CNTN5: variants seen among roughly 807,000 people sequenced by gnomAD.
CNTN5 encodes contactin-5.
CNTN5 carries 77 observed loss-of-function variants against 129.1 expected under a neutral mutation model. The observed-to-expected ratio is 0.60, with a 90% CI of 0.50 to 0.72. The LOEUF is 0.72. Among genes scored for constraint, CNTN5 ranks in the 30% least tolerant of loss-of-function variants. CNTN5 has a pLI of 0.00. For synonymous variants in CNTN5, 509 were observed against 465.6 expected (o/e 1.09, Z -1.20); for missense variants, 1,478 against 1,328.8 (o/e 1.11, Z -1.75).
chr11:99,746,572 TTAGATTCTC>T (rs1305975145), intron 3 of CNTN5, among the ~76,000 whole-genome samples: 1 of 152,160 alleles, frequency 6.6e-6, no homozygotes, highest in Non-Finnish European at 1.5e-5. Context: ...GCTGCATGCA[TTAGATTCTC>T]ACAGGAGCAG....
At chr11:99,430,417 G>T (rs1462762995) in intron 2 of CNTN5, among the ~76,000 whole-genome samples, 2 of 149,690 alleles carry the variant, frequency 1.3e-5, no homozygotes, top group Non-Finnish European at 3.0e-5. Flanking sequence ...ATATATAAAG[G>T]CATTATATAC....
chr11:99,610,725 G>T (rs571624199), intron 3 of CNTN5, among the ~76,000 whole-genome samples: 1 of 152,228 alleles, frequency 6.6e-6, no homozygotes, highest in East Asian at 1.9e-4. Context: ...AAGTTAGATA[G>T]ATAGCTATAA....
intron 13 of CNTN5, among the ~76,000 whole-genome samples, chr11:100,116,392 T>C (rs1278555032): frequency 6.6e-6 from 1 of 151,922 alleles, no homozygotes; most frequent in Admixed American, 6.6e-5. Flanking sequence ...CTGTAGAGCA[T>C]GGAAAATATC....
intron 1 of CNTN5, among the ~76,000 whole-genome samples, chr11:99,038,379 C>T (rs928834420): frequency 1.3e-5 from 2 of 152,036 alleles, no homozygotes; most frequent in Non-Finnish European, 2.9e-5. Flanking sequence ...GTGATCAGAT[C>T]AGCGTAATTA....
intron 2 of CNTN5, among the ~76,000 whole-genome samples, chr11:99,432,143 T>C (rs1319670837): frequency 1.3e-5 from 2 of 152,222 alleles, no homozygotes; most frequent in African/African-American, 4.8e-5. Context: ...TTCAGCTTAA[T>C]ATATCCCTTT....
intron 18 of CNTN5, among the ~76,000 whole-genome samples, chr11:100,275,169 T>C (rs539145039): frequency 3.3e-5 from 5 of 152,362 alleles, no homozygotes; most frequent in South Asian, 2.1e-4. Context: ...TCTCCACTTT[T>C]GTGATTTGCC....
chr11:99,237,341 T>C (rs576920166), intron 1 of CNTN5, among the ~76,000 whole-genome samples: 138 of 152,316 alleles, frequency 9.1e-4, no homozygotes, highest in African/African-American at 3.2e-3. Flanking sequence ...GCTCTATCTC[T>C]AATTTATTAG....
chr11:100,135,132 T>G (rs7103146), intron 13 of CNTN5, among the ~76,000 whole-genome samples: 49,070 of 151,178 alleles, frequency 0.32, 8,816 homozygotes, highest in East Asian at 0.63. Context: ...ACATTTACAT[T>G]CCTGTTTGGA....
chr11:99,435,063 A>G (rs1779214667), intron 2 of CNTN5, among the ~76,000 whole-genome samples: 1 of 152,194 alleles, frequency 6.6e-6, no homozygotes, highest in Admixed American at 6.5e-5. Context: ...GTATTGATAT[A>G]TAATTCTCAT....
intron 3 of CNTN5, among the ~76,000 whole-genome samples, chr11:99,632,428 G>T (rs1344999261): frequency 2.0e-5 from 3 of 152,106 alleles, no homozygotes; most frequent in African/African-American, 4.8e-5. Flanking sequence ...GGAACAGTCA[G>T]CCAAGGTGAG....
intron 3 of CNTN5, among the ~76,000 whole-genome samples, chr11:99,725,694 A>G (rs1191714945): frequency 2.0e-5 from 3 of 152,216 alleles, no homozygotes; most frequent in African/African-American, 7.2e-5. Flanking sequence ...GTATTCTTAG[A>G]ACAGATTCCT....
chr11:99,271,124 TA>T (rs1388390928), intron 1 of CNTN5, among the ~76,000 whole-genome samples: 1 of 151,924 alleles, frequency 6.6e-6, no homozygotes, highest in African/African-American at 2.4e-5. Flanking sequence ...ATTTGTTGTG[TA>T]ACAAAAATAA....
chr11:99,351,580 A>T (rs761103263), intron 2 of CNTN5, among the ~76,000 whole-genome samples: 7 of 152,224 alleles, frequency 4.6e-5, no homozygotes, highest in Admixed American at 2.0e-4. Context: ...ATTTTCAGAA[A>T]TAAATGATGG....
intron 3 of CNTN5, among the ~76,000 whole-genome samples, chr11:99,674,670 T>A (rs1953194709): frequency 6.6e-6 from 1 of 152,146 alleles, no homozygotes; most frequent in Admixed American, 6.5e-5. Flanking sequence ...CATGCTTACA[T>A]GTCTGAGACA....
chr11:99,386,184 C>A (rs780975181), intron 2 of CNTN5, among the ~76,000 whole-genome samples: 5 of 152,156 alleles, frequency 3.3e-5, no homozygotes, highest in Non-Finnish European at 5.9e-5. Flanking sequence ...ATGTCAGGTT[C>A]CCCTGAAGCA....
chr11:100,080,400 C>T (rs1944314329), intron 13 of CNTN5, among the ~76,000 whole-genome samples: 2 of 152,052 alleles, frequency 1.3e-5, no homozygotes, highest in Non-Finnish European at 2.9e-5. Flanking sequence ...GCAAAATTTT[C>T]AACTTATTTA....
intron 2 of CNTN5, among the ~76,000 whole-genome samples, chr11:99,425,625 G>A (rs989306973): frequency 3.3e-5 from 5 of 152,236 alleles, no homozygotes; most frequent in South Asian, 2.1e-4. Context: ...ACTGGAGCAG[G>A]TGCCAGGAGC....
At chr11:99,991,938 A>G (rs1183281135) in intron 8 of CNTN5, among the ~76,000 whole-genome samples, 1 of 152,334 alleles carries the variant, frequency 6.6e-6, no homozygotes, top group African/African-American at 2.4e-5. Flanking sequence ...AGCCAGGAAG[A>G]TAAAACCTAT....
At chr11:99,623,134 A>T (rs965745106) in intron 3 of CNTN5, among the ~76,000 whole-genome samples, 5 of 152,008 alleles carry the variant, frequency 3.3e-5, no homozygotes, top group African/African-American at 1.2e-4. Flanking sequence ...CCCTCATCCT[A>T]GTGATGTCTT....
Sources: allele counts gnomAD v4.1 joint callset (sites outside exome capture counted in the v4.1 genomes callset), GRCh38; gene constraint gnomAD v4.1.1; transcripts MANE v1.5; gene names NCBI Gene and HGNC (gene_info 2026-07-23, HGNC 2026-07-21).